Variants in SLC30A8 observed in about 807,000 individuals in gnomAD.
The protein encoded by SLC30A8 is solute carrier family 30 member 8.
In SLC30A8, 27 loss-of-function variants were observed where a neutral mutation model predicts 36.9. The ratio of observed to expected loss-of-function variants is 0.73; its 90% CI spans 0.54 to 1.01. The LOEUF (loss-of-function observed/expected upper bound fraction) is 1.01. Ranked by LOEUF, SLC30A8 falls within the 50% of genes least tolerant of loss-of-function variation. The probability of loss-of-function intolerance (pLI) is 0.00; values close to 1 mark genes in which losing one functional copy is unlikely to be tolerated. For synonymous variants in SLC30A8, 164 were observed against 172.4 expected (o/e 0.95, Z 0.38); for missense variants, 439 against 452.0 (o/e 0.97, Z 0.26).
intron 1 of SLC30A8, among the ~76,000 whole-genome samples, chr8:116,979,637 C>T (rs186053947): frequency 5.5e-4 from 84 of 152,314 alleles, no homozygotes; most frequent in African/African-American, 1.6e-3. Flanking sequence ...ATGGCAGAAC[C>T]TATGCCAAAG....
At chr8:117,164,635 G>GA (rs1822969857) in intron 6 of SLC30A8, among the ~76,000 whole-genome samples, 2 of 152,066 alleles carry the variant, frequency 1.3e-5, no homozygotes, top group Admixed American at 6.6e-5. Flanking sequence ...AATAAGAGGA[G>GA]AAAGAGATTA....
chr8:117,078,403 T>C (rs1818557978), intron 2 of SLC30A8, among the ~76,000 whole-genome samples: 2 of 152,230 alleles, frequency 1.3e-5, no homozygotes, highest in Admixed American at 1.3e-4. Context: ...CTATTGCTGT[T>C]CTCATTTTAC....
Position 117,176,317 on chromosome 8 carries a change from T to A in SLC30A8, c.*3636T>A, listed in dbSNP as rs1823682470. On this transcript the variant is annotated 3_prime_UTR_variant, in exon 8 of 8. Transcript: ENST00000456015. ...ACCCAATGAAATATGATCCAGAGAG[T>A]CTTGCAAAGAGACAAGCCTCATTTT... The A allele has an allele frequency of 6.6e-6, 1 of 152,366 alleles. No homozygotes were observed. Among genetic ancestry groups the A allele is most frequent in the South Asian group, 2.1e-4 (1 of 4,820 alleles). 9.4% of individuals were successfully genotyped at this position (152,366 alleles called of 1,614,324 possible).
chr8:117,085,066 C>T (rs905267368), intron 2 of SLC30A8, among the ~76,000 whole-genome samples: 5 of 151,996 alleles, frequency 3.3e-5, no homozygotes, highest in African/African-American at 1.2e-4. Context: ...CAGATAGGCA[C>T]ATAACAGAGA....
intron 1 of SLC30A8, among the ~76,000 whole-genome samples, chr8:116,969,501 A>G (rs1468223401): frequency 6.6e-6 from 1 of 152,180 alleles, no homozygotes; most frequent in East Asian, 1.9e-4. Context: ...GTATGTATTT[A>G]TCTATATGTA....
In SLC30A8 at chr8:117,135,242, A is replaced by C; in HGVS notation, c.-86A>C. ...TAATTTTTTCTTTAGAAAGTGTATA[A>C]ATAATTGCAGTGCTGCTTTGCTTCC... On this transcript the variant is annotated 5_prime_UTR_variant, in exon 1 of 8. Coordinates refer to ENST00000456015, the MANE Select transcript of SLC30A8 (RefSeq NM_173851.3). 2.3e-6 allele frequency: 2 copies of C among 855,300 alleles called. No homozygotes were observed. Among genetic ancestry groups the C allele is most frequent in the Non-Finnish European group, 3.6e-6 (2 of 562,592 alleles). 53.0% of individuals were successfully genotyped at this position (855,300 alleles called of 1,614,324 possible).
intron 1 of SLC30A8, among the ~76,000 whole-genome samples, chr8:117,140,963 C>A (rs563374077): frequency 6.6e-6 from 1 of 151,896 alleles, no homozygotes; most frequent in Admixed American, 6.6e-5. Context: ...AGAAAGACAC[C>A]GACTACCATA....
At chr8:117,130,650 A>C (rs934586980), upstream of SLC30A8, among the ~76,000 whole-genome samples, 1 of 151,974 alleles carries the variant, frequency 6.6e-6, no homozygotes, top group African/African-American at 2.4e-5. Context: ...CTAATCTTTA[A>C]AATAATGGAT....
intron 1 of SLC30A8, among the ~76,000 whole-genome samples, chr8:116,978,578 C>T (rs966860253): frequency 5.3e-5 from 8 of 152,054 alleles, no homozygotes; most frequent in African/African-American, 1.7e-4. Context: ...CTTTTTTTCC[C>T]TTTGTCTCTT....
chr8:117,157,528 T>C (rs1822558506), intron 3 of SLC30A8, among the ~76,000 whole-genome samples, 163 bp from the exon 4 acceptor site: 1 of 152,212 alleles, frequency 6.6e-6, no homozygotes, highest in South Asian at 2.1e-4. Flanking sequence ...ATACTTTCTC[T>C]TAGTTTTAAA....
At chr8:117,091,425 A>G (rs113872619) in intron 2 of SLC30A8, among the ~76,000 whole-genome samples, 432 of 152,262 alleles carry the variant, frequency 2.8e-3, no homozygotes, top group African/African-American at 0.01. Flanking sequence ...ATTTTACTAA[A>G]TATCTGTGTG....
intron 1 of SLC30A8, among the ~76,000 whole-genome samples, chr8:117,014,951 A>G (rs1258792942): frequency 6.6e-6 from 1 of 151,984 alleles, no homozygotes; most frequent in Non-Finnish European, 1.5e-5. Flanking sequence ...CAGCAAGCAA[A>G]GGGACCTAGA....
chr8:117,068,530 CAT>C (rs57802419), intron 2 of SLC30A8, among the ~76,000 whole-genome samples: 2,323 of 152,274 alleles, frequency 0.015, 53 homozygotes, highest in African/African-American at 0.049. Flanking sequence ...CTTCTCTCCA[CAT>C]GTGTTGCCCA....
At chr8:116,987,500 G>A (rs1815488378) in intron 1 of SLC30A8, among the ~76,000 whole-genome samples, 1 of 151,984 alleles carries the variant, frequency 6.6e-6, no homozygotes, top group African/African-American at 2.4e-5. Flanking sequence ...GCTAGACTAA[G>A]GGAAATTTAA....
At chr8:116,984,618 T>C (rs779592742) in intron 1 of SLC30A8, among the ~76,000 whole-genome samples, 11 of 152,208 alleles carry the variant, frequency 7.2e-5, no homozygotes, top group African/African-American at 1.2e-4. Flanking sequence ...TCTGTTCATA[T>C]ATTTTGCTCA....
At chr8:117,005,197 A>G (rs1019325439) in intron 1 of SLC30A8, among the ~76,000 whole-genome samples, 1 of 152,264 alleles carries the variant, frequency 6.6e-6, no homozygotes, top group South Asian at 2.1e-4. Flanking sequence ...TCTGACTCCC[A>G]GTTCTAGGCA....
intron 1 of SLC30A8, among the ~76,000 whole-genome samples, chr8:117,141,527 A>G (rs996974951): frequency 1.3e-5 from 2 of 152,222 alleles, no homozygotes; most frequent in South Asian, 4.1e-4. Flanking sequence ...AAAAGCATCC[A>G]TGAAAAACTT....
chr8:117,149,855 CTG>C (rs1822088473), intron 2 of SLC30A8, among the ~76,000 whole-genome samples: 1 of 152,208 alleles, frequency 6.6e-6, no homozygotes, highest in Admixed American at 6.5e-5. Flanking sequence ...TAGCTGGAGT[CTG>C]TCCCAGCAGC....
intron 1 of SLC30A8, among the ~76,000 whole-genome samples, chr8:117,139,774 A>G (rs1402997679): frequency 6.6e-6 from 1 of 151,984 alleles, no homozygotes; most frequent in Admixed American, 6.6e-5. Context: ...GGAGAGGATA[A>G]GAAAGACTGC....
Sources: gnomAD v4.1 joint callset for allele counts (sites outside exome capture counted in the v4.1 genomes callset) on GRCh38, gnomAD v4.1.1 for gene constraint, MANE v1.5 for transcripts, NCBI Gene and HGNC (gene_info 2026-07-23, HGNC 2026-07-21) for gene names.